FER1L5: variants seen among roughly 807,000 people sequenced by gnomAD.
The protein encoded by FER1L5 is fer-1 like family member 5.
A neutral mutation model predicts 279.9 loss-of-function variants in FER1L5; 187 were observed. The ratio of observed to expected loss-of-function variants is 0.67; its 90% CI spans 0.59 to 0.75. The LOEUF is 0.75. FER1L5 is among the 30% of genes least tolerant of loss of function. FER1L5 has a pLI of 0.00. For synonymous variants in FER1L5, 921 were observed against 989.7 expected (o/e 0.93, Z 1.30); for missense variants, 2,091 against 2,594.4 (o/e 0.81, Z 4.21).
chr2:96,689,184 G>C lies in FER1L5; in HGVS notation c.2362-29G>C. ...CCCCGCACTTTGTGCTAGAGGAGGC[G>C]GCCGCCCTGACAAGCTTCCCTCCCC... is the stretch of plus-strand genomic sequence containing the variant. On this transcript the variant is annotated intron_variant, in intron 24 of 52. Transcript: ENST00000624922. This position sits in a 1 kb window ranked among gnomAD's most constrained non-coding sequence, Gnocchi z 4.6. 1.9e-6 allele frequency: 3 copies of C among 1,547,182 alleles called. No homozygotes were observed. Among genetic ancestry groups the C allele is most frequent in the Non-Finnish European group, 2.6e-6 (3 of 1,145,554 alleles).
At position 96,698,324 on chromosome 2, in the gene FER1L5, C is replaced by T. The variant is rs77658768; in HGVS notation, c.4356+168C>T. Among the ~76,000 whole-genome samples the T allele has an allele frequency of 2.4e-4, 37 of 152,252 alleles. No homozygotes were observed. In the East Asian group the frequency reaches 7.1e-3, roughly 29 times the overall value. ...TTCGCCTCCACAGGAACTCGGGGAG[C>T]GCTCCCCTTCCCCTCCCCACCCTGG... is the stretch of plus-strand genomic sequence containing the variant. On this transcript the variant is annotated intron_variant, in intron 40 of 52. Coordinates refer to ENST00000624922, the MANE Select transcript of FER1L5 (RefSeq NM_001293083.2). This position sits in a 1 kb window ranked among gnomAD's most constrained non-coding sequence, Gnocchi z 5.5.
intron 9 of FER1L5, among the ~76,000 whole-genome samples, chr2:96,659,362 C>G (rs12717783): frequency 9.8e-5 from 6 of 61,312 alleles, no homozygotes; most frequent in African/African-American, 3.8e-4. Context: ...TCCTTCCTTC[C>G]TTCTTTCTTT....
chr2:96,664,364 CA>C (rs1200525345), intron 14 of FER1L5, among the ~76,000 whole-genome samples: 1 of 152,178 alleles, frequency 6.6e-6, no homozygotes, highest in Non-Finnish European at 1.5e-5. Flanking sequence ...CTCCCATCCC[CA>C]GGCAACCAAC....
In FER1L5 at chr2:96,642,804, G is replaced by T. The variant is rs1055397609; in HGVS notation, c.-33G>T. On this transcript the variant is annotated 5_prime_UTR_variant, in exon 1 of 53. Coordinates refer to ENST00000624922, the MANE Select transcript of FER1L5 (RefSeq NM_001293083.2). ...TCCAAAAAGGAAGCTGTGGCGCTGC[G>T]TAGGGAAGGAGGGAAGAAAGTAGGT... is the stretch of plus-strand genomic sequence containing the variant. 20 of 1,547,774 alleles carry T rather than the reference G, an allele frequency of 1.3e-5. No individual in the cohort carries two copies. Among genetic ancestry groups the T allele is most frequent in the Middle Eastern group, 1.7e-4 (1 of 5,988 alleles).
intron 14 of FER1L5, among the ~76,000 whole-genome samples, chr2:96,667,406 G>A (rs371782279): frequency 6.0e-4 from 90 of 149,008 alleles, no homozygotes; most frequent in African/African-American, 2.2e-3. Context: ...GGAGTGCAAT[G>A]GCACGATCTC....
intron 9 of FER1L5, among the ~76,000 whole-genome samples, chr2:96,657,688 T>A (rs2075654066): frequency 6.6e-6 from 1 of 152,202 alleles, no homozygotes; most frequent in African/African-American, 2.4e-5. Flanking sequence ...AGAGTTCATA[T>A]CAATAGAATC....
intron 19 of FER1L5, among the ~76,000 whole-genome samples, chr2:96,681,725 A>G (rs2106633739): frequency 6.6e-6 from 1 of 152,190 alleles, no homozygotes. Flanking sequence ...TTGTGTGAAC[A>G]TACCATAATT....
intron 31 of FER1L5, among the ~76,000 whole-genome samples, chr2:96,693,087 G>T (rs955936006): frequency 1.3e-5 from 2 of 151,658 alleles, no homozygotes; most frequent in Non-Finnish European, 2.9e-5. Context: ...GAGGCAGGAG[G>T]ATTGCTTGAA....
Position 96,702,580 on chromosome 2 carries a change from T to C in FER1L5, c.5256-20T>C, listed in dbSNP as rs756022416. On this transcript the variant is annotated intron_variant, in intron 47 of 52. Transcript: ENST00000624922. This position sits in a 1 kb window ranked among gnomAD's most constrained non-coding sequence, Gnocchi z 4.0. ...GGGGCCAATGCACATGAGCCACAGG[T>C]GATAGGACTCTGGCCCCAGGTGGTT... The C allele has an allele frequency of 1.3e-6, 2 of 1,558,204 alleles. No individual in the cohort carries two copies. The highest frequency in any genetic ancestry group is 1.2e-5 in the South Asian group (1 of 84,584).
chr2:96,645,926 T>C (rs988236035), intron 1 of FER1L5, among the ~76,000 whole-genome samples: 6 of 151,710 alleles, frequency 4.0e-5, no homozygotes, highest in Non-Finnish European at 7.4e-5. Context: ...AAAGAAGTGA[T>C]GCCATATCAC....
At chr2:96,648,969 G>A (rs1252252265) in intron 4 of FER1L5, among the ~76,000 whole-genome samples, 1 of 152,060 alleles carries the variant, frequency 6.6e-6, no homozygotes, top group Non-Finnish European at 1.5e-5. Context: ...GACCAGCCCA[G>A]GCAGGGGCAT....
chr2:96,649,035 C>T (rs1243806721), intron 4 of FER1L5, among the ~76,000 whole-genome samples: 3 of 86,402 alleles, frequency 3.5e-5, no homozygotes, highest in African/African-American at 9.1e-5. Flanking sequence ...TTTTGTCACA[C>T]GGTGGGGGGG....
intron 24 of FER1L5, 56 bp downstream of exon 24, chr2:96,688,003 G>A (rs2076996735): frequency 6.5e-7 from 1 of 1,543,534 alleles, no homozygotes; most frequent in Admixed American, 2.0e-5. Context: ...TGGGGGTAGG[G>A]TGGCCTCGTA....
rs369596744 is a variant in FER1L5, at chr2:96,686,216, G to T, written c.2095G>T (p.Val699Leu). The T allele has an allele frequency of 6.4e-7, 1 of 1,551,270 alleles. No individual in the cohort carries two copies. ...LPEPQMGLPD[V>L]MIWLVAKEQR... ...GCAGCCCCAGATGGGCCTCCCTGAC[G>T]TGATGATTTGGCTGGTGGCCAAGGA... Residue 699 changes from valine (V) to leucine (L), a missense_variant, in exon 23 of 53, where the codon GTG becomes TTG. Transcript: ENST00000624922.
intron 9 of FER1L5, among the ~76,000 whole-genome samples, chr2:96,658,780 G>A (rs2075702406): frequency 6.6e-6 from 1 of 152,032 alleles, no homozygotes; most frequent in South Asian, 2.1e-4. Flanking sequence ...ACGATGTTGA[G>A]CATCTTTTCA....
chr2:96,662,660 A>G (rs1209951871), intron 13 of FER1L5, among the ~76,000 whole-genome samples: 2 of 152,226 alleles, frequency 1.3e-5, no homozygotes, highest in East Asian at 3.8e-4. Context: ...TGGGTAAAAA[A>G]GGGTCCTATG....
chr2:96,687,593 C>G, intron 23 of FER1L5: 1 of 603,534 alleles, frequency 1.7e-6, no homozygotes, highest in Non-Finnish European at 2.9e-6. Flanking sequence ...CTGTGAGGCA[C>G]TCCCACCCTC....
In FER1L5 at chr2:96,697,534, C is replaced by T; in HGVS notation, c.4092C>T (p.Gly1364=). The change falls in exon 38 of 53, where the codon GGC becomes GGT. Residue 1364 remains glycine (G), a synonymous_variant. Coordinates refer to ENST00000624922, the MANE Select transcript of FER1L5 (RefSeq NM_001293083.2). ...LSEKKHQDFL[G]YLYRKFWFKS... ...ACCCTCTCCTTTTTCAGTTCCTAGG[C>T]TACCTCTACAGAAAGTTCTGGTTCA... is the stretch of plus-strand genomic sequence containing the variant. 6.2e-7 allele frequency: 1 copy of T among 1,613,550 alleles called. No homozygotes were observed. Among genetic ancestry groups the T allele is most frequent in the Non-Finnish European group, 8.5e-7 (1 of 1,179,714 alleles).
At chr2:96,667,628 T>C (rs940676618) in intron 14 of FER1L5, among the ~76,000 whole-genome samples, 1 of 152,184 alleles carries the variant, frequency 6.6e-6, no homozygotes, top group African/African-American at 2.4e-5. Context: ...ATTACAGGCA[T>C]GTGCCACCAT....
Sources: allele counts gnomAD v4.1 joint callset (sites outside exome capture counted in the v4.1 genomes callset), GRCh38; gene constraint gnomAD v4.1.1; non-coding constraint Gnocchi (gnomAD v3.1); transcripts MANE v1.5; gene names NCBI Gene and HGNC (gene_info 2026-07-23, HGNC 2026-07-21).